Variants in CHST9 observed in about 807,000 individuals in gnomAD.
CHST9 encodes the protein carbohydrate sulfotransferase 9.
A neutral mutation model predicts 44.4 loss-of-function variants in CHST9; 41 were observed. That is an observed-to-expected ratio of 0.92 (90% CI 0.72 to 1.20). The LOEUF (loss-of-function observed/expected upper bound fraction) is 1.20, where lower values mean the gene tolerates loss of function less well. Among genes scored for constraint, CHST9 ranks in the 50% most tolerant of loss-of-function variants. CHST9 has a pLI of 0.00. For synonymous variants in CHST9, 171 were observed against 178.4 expected, an observed-to-expected ratio of 0.96 and a Z score of 0.33; for missense variants, 504 against 516.5, an observed-to-expected ratio of 0.98 and a Z score of 0.23.
chr18:27,153,669 A>C (rs2058677101), intron 1 of CHST9, among the ~76,000 whole-genome samples: 1 of 151,548 alleles, frequency 6.6e-6, no homozygotes, highest in African/African-American at 2.4e-5. Flanking sequence ...GCATGATCTC[A>C]TTTTGAGATC....
intron 4 of CHST9, among the ~76,000 whole-genome samples, chr18:27,023,351 G>A (rs2057247234): frequency 6.6e-6 from 1 of 152,084 alleles, no homozygotes; most frequent in Non-Finnish European, 1.5e-5. Context: ...TTACACAATA[G>A]CAAACCTCAT....
rs994587615 is a variant in CHST9, at chr18:26,907,856, A to C, written c.*8403T>G. 3.1e-4 allele frequency: 55 copies of C among 180,150 alleles called. No homozygotes were observed. The highest frequency in any genetic ancestry group is 1.1e-3 in the African/African-American group (48 of 42,142). The allele number at this position is 180,150 out of a possible 1,614,324, so 11.2% of individuals were successfully genotyped here. ...AGAAAAAAATTCTGGTACGTCCTTCAATATGGATGAACCTTGAGGACATTA... is the reference window on the plus strand; with the variant it reads ...AGAAAAAAATTCTGGTACGTCCTTCCATATGGATGAACCTTGAGGACATTA... On this transcript the variant is annotated 3_prime_UTR_variant, in exon 6 of 6. Transcript: ENST00000618847.
chr18:26,920,018 C>G lies in CHST9; in HGVS notation c.241-2668G>C, dbSNP rs578183534. Among the ~76,000 whole-genome samples the G allele has an allele frequency of 2.2e-3, 334 of 152,174 alleles. 2 individuals are homozygous for G. The highest frequency in any genetic ancestry group is 4.0e-3 in the Non-Finnish European group (275 of 68,028). The stretch of plus-strand genomic sequence containing the variant: ...GTTCTCCTTAAGTCTCCCTTTCCCC[C>G]TCCTCTTGTTGTCATCTACCTTTAT... On this transcript the variant is annotated intron_variant, in intron 5 of 5. Transcript: ENST00000618847.
chr18:27,175,125 T>TA (rs1284653556), intron 1 of CHST9, among the ~76,000 whole-genome samples: 1 of 152,096 alleles, frequency 6.6e-6, no homozygotes, highest in African/African-American at 2.4e-5. Context: ...GTGCAATTCT[T>TA]AAAAATATAA....
At chr18:26,997,839 C>G (rs2056903845) in intron 4 of CHST9, among the ~76,000 whole-genome samples, 1 of 152,218 alleles carries the variant, frequency 6.6e-6, no homozygotes, top group Non-Finnish European at 1.5e-5. Flanking sequence ...ATATAAATTT[C>G]TGCCACAGGC....
At chr18:27,026,774 G>C (rs1293552298) in intron 3 of CHST9, among the ~76,000 whole-genome samples, 1 of 152,120 alleles carries the variant, frequency 6.6e-6, no homozygotes, top group Non-Finnish European at 1.5e-5. Context: ...AATTGGGTTT[G>C]GCCAGAGCCA....
At position 26,918,850 on chromosome 18, in the gene CHST9, G is replaced by A. The variant is rs184258930; in HGVS notation, c.241-1500C>T. On this transcript the variant is annotated intron_variant, in intron 5 of 5. Coordinates refer to ENST00000618847, the MANE Select transcript of CHST9 (RefSeq NM_031422.6). ...ACCATATGCCAACGTGTACAGCCCCGTGTATAGCCCCGTGTATTAGTCTGT... is the reference window on the plus strand; with the variant it reads ...ACCATATGCCAACGTGTACAGCCCCATGTATAGCCCCGTGTATTAGTCTGT... 3.3e-5 allele frequency among the ~76,000 whole-genome samples: 5 copies of A among 152,088 alleles called. No individual in the cohort carries two copies. In the East Asian group the frequency reaches 5.8e-4, roughly 18 times the overall value.
chr18:27,181,135 G>A (rs796497468), intron 1 of CHST9, among the ~76,000 whole-genome samples: 3 of 152,214 alleles, frequency 2.0e-5, no homozygotes, highest in African/African-American at 7.2e-5. Flanking sequence ...GATCTTATCT[G>A]CTTTTCCCAT....
intron 2 of CHST9, among the ~76,000 whole-genome samples, chr18:27,055,921 C>A (rs2143593519): frequency 6.9e-6 from 1 of 145,454 alleles, no homozygotes; most frequent in Middle Eastern, 3.6e-3. Flanking sequence ...TTTTTCTTCT[C>A]ACCTCTTCTC....
intron 1 of CHST9, among the ~76,000 whole-genome samples, chr18:27,153,500 GTC>G (rs1309131490): frequency 6.7e-6 from 1 of 148,868 alleles, no homozygotes; most frequent in Admixed American, 6.7e-5. Context: ...CTTTCTCTTT[GTC>G]TCTGTCTCTG....
intron 1 of CHST9, among the ~76,000 whole-genome samples, chr18:27,155,172 G>C (rs141478842): frequency 6.6e-6 from 1 of 151,374 alleles, no homozygotes; most frequent in South Asian, 2.1e-4. Context: ...ACCATAAAAG[G>C]CTGCTGCAAA....
At chr18:27,082,923 G>C (rs1291298004) in intron 2 of CHST9, among the ~76,000 whole-genome samples, 3 of 152,142 alleles carry the variant, frequency 2.0e-5, no homozygotes, top group African/African-American at 7.2e-5. Flanking sequence ...TTAGCAAATA[G>C]ATATTTTTCA....
intron 4 of CHST9, among the ~76,000 whole-genome samples, chr18:26,975,139 G>T (rs938805135): frequency 2.0e-5 from 3 of 152,082 alleles, no homozygotes; most frequent in African/African-American, 7.2e-5. Context: ...TAAATCTACT[G>T]TTTTATTAGA....
intron 4 of CHST9, among the ~76,000 whole-genome samples, chr18:26,989,868 T>G (rs571608787): frequency 1.3e-5 from 2 of 152,240 alleles, no homozygotes; most frequent in African/African-American, 4.8e-5. Context: ...AAGAATGGCT[T>G]GAACCTGGGA....
intron 1 of CHST9, among the ~76,000 whole-genome samples, chr18:27,168,077 A>AT (rs55651220): frequency 0.031 from 4,306 of 140,074 alleles, 220 homozygotes; most frequent in African/African-American, 0.1. Context: ...GATTATACCT[A>AT]TTTTTTTTTT....
intron 4 of CHST9, among the ~76,000 whole-genome samples, chr18:27,019,824 A>G (rs540145902): frequency 6.6e-6 from 1 of 152,326 alleles, no homozygotes; most frequent in South Asian, 2.1e-4. Flanking sequence ...AAAAGACCAT[A>G]TTCCAAGGAT....
Position 27,003,709 on chromosome 18 carries a change from A to C in CHST9, c.202+20407T>G, listed in dbSNP as rs1046503414. Among the ~76,000 whole-genome samples, 34 of 152,178 alleles carry C rather than the reference A, an allele frequency of 2.2e-4. 1 individual carries two copies. The highest frequency in any genetic ancestry group is 5.9e-5 in the Non-Finnish European group (4 of 68,026). On this transcript the variant is annotated intron_variant, in intron 4 of 5. Transcript: ENST00000618847. ...CCAAAAGAAATGGTGGATTTGGAAA[A>C]GAAAATGAATTAAATTGGTTTTTGG...
intron 2 of CHST9, among the ~76,000 whole-genome samples, chr18:27,121,921 C>T (rs1157652767): frequency 6.6e-6 from 1 of 152,086 alleles, no homozygotes; most frequent in Non-Finnish European, 1.5e-5. Flanking sequence ...CACTTAAAAC[C>T]CAGAGTTCTG....
intron 1 of CHST9, among the ~76,000 whole-genome samples, chr18:27,165,316 A>T (rs1338864506): frequency 2.6e-5 from 4 of 152,228 alleles, no homozygotes; most frequent in Non-Finnish European, 4.4e-5. Flanking sequence ...AAAGGAAAAA[A>T]TTAGATGAAG....
Sources: allele counts gnomAD v4.1 joint callset (sites outside exome capture counted in the v4.1 genomes callset), GRCh38; gene constraint gnomAD v4.1.1; transcripts MANE v1.5; gene names NCBI Gene and HGNC (gene_info 2026-07-23, HGNC 2026-07-21).